The following AGBL1 variants were observed in gnomAD, a reference collection of about 807,000 sequenced individuals.
AGBL1 encodes the protein AGBL carboxypeptidase 1, also known as cytosolic carboxypeptidase 4.
AGBL1 carries 130 observed loss-of-function variants against 118.9 expected under a neutral mutation model. The ratio of observed to expected loss-of-function variants is 1.09; its 90% confidence interval spans 0.95 to 1.26. The LOEUF (loss-of-function observed/expected upper bound fraction) is 1.26. Among genes scored for constraint, AGBL1 ranks in the 50% most tolerant of loss-of-function variants. The probability of loss-of-function intolerance (pLI) is 0.00; values close to 1 mark genes in which losing one functional copy is unlikely to be tolerated. For missense variants in AGBL1, 1,584 were observed against 1,298.1 expected, an observed-to-expected ratio of 1.22 and a Z score of -3.38; for synonymous variants, 555 against 478.9, an observed-to-expected ratio of 1.16 and a Z score of -2.08.
At chr15:86,657,073 T>C (rs1481938295) in intron 21 of AGBL1, among the ~76,000 whole-genome samples, 2 of 152,202 alleles carry the variant, frequency 1.3e-5, no homozygotes, top group African/African-American at 2.4e-5. Context: ...ATGTTAACTG[T>C]TGCTGCTTCC....
At chr15:86,213,911 A>G (rs1443169040) in intron 5 of AGBL1, among the ~76,000 whole-genome samples, 1 of 152,084 alleles carries the variant, frequency 6.6e-6, no homozygotes, top group African/African-American at 2.4e-5. Context: ...TTAAGCAATA[A>G]CTTCCCACTC....
intron 22 of AGBL1, among the ~76,000 whole-genome samples, chr15:86,895,441 A>G (rs2080111958): frequency 6.7e-6 from 1 of 148,512 alleles, no homozygotes; most frequent in Admixed American, 6.7e-5. Context: ...GTATTTCTTG[A>G]GCTCCGTTTT....
At chr15:86,627,295 C>T (rs565753230) in intron 21 of AGBL1, among the ~76,000 whole-genome samples, 21 of 152,318 alleles carry the variant, frequency 1.4e-4, no homozygotes, top group African/African-American at 4.6e-4. Flanking sequence ...CCACTGTGCC[C>T]TGCCTGATAT....
At chr15:86,309,174 T>C (rs1391073577) in intron 17 of AGBL1, among the ~76,000 whole-genome samples, 1 of 152,228 alleles carries the variant, frequency 6.6e-6, no homozygotes, top group Non-Finnish European at 1.5e-5. Context: ...ATTTTTATGT[T>C]ATTGTAAATG....
At chr15:86,765,824 C>T (rs2078089839) in intron 22 of AGBL1, among the ~76,000 whole-genome samples, 1 of 151,768 alleles carries the variant, frequency 6.6e-6, no homozygotes, top group African/African-American at 2.4e-5. Flanking sequence ...ACAGATAAAA[C>T]ACAACAGGAT....
chr15:86,440,810 G>C (rs560585383), intron 18 of AGBL1, among the ~76,000 whole-genome samples: 50 of 152,162 alleles, frequency 3.3e-4, no homozygotes, highest in Non-Finnish European at 6.8e-4. Flanking sequence ...ATTCTCATAA[G>C]TGACAGTTGA....
chr15:86,791,728 T>TTATATATATA (rs3059670), intron 22 of AGBL1, among the ~76,000 whole-genome samples: 385 of 142,884 alleles, frequency 2.7e-3, no homozygotes, highest in African/African-American at 9.2e-3. Context: ...TCCTTGTTTT[T>TTATATATATA]TATATATATA....
At chr15:86,861,553 C>T (rs1265694659) in intron 22 of AGBL1, among the ~76,000 whole-genome samples, 1 of 152,138 alleles carries the variant, frequency 6.6e-6, no homozygotes, top group African/African-American at 2.4e-5. Context: ...ATGAGTGTGA[C>T]CTTGGTAACT....
At chr15:86,132,865 T>C (rs1252113866) in intron 1 of AGBL1, among the ~76,000 whole-genome samples, 1 of 152,220 alleles carries the variant, frequency 6.6e-6, no homozygotes, top group Admixed American at 6.5e-5. Context: ...TTGGGAACAT[T>C]GTGATCCTGG....
At chr15:86,565,559 G>C (rs899306355) in intron 21 of AGBL1, among the ~76,000 whole-genome samples, 1 of 152,246 alleles carries the variant, frequency 6.6e-6, no homozygotes. Flanking sequence ...GTGCCTCCCA[G>C]TTAGGCTACT....
chr15:86,349,413 C>T (rs1337352683), intron 17 of AGBL1, among the ~76,000 whole-genome samples: 2 of 152,092 alleles, frequency 1.3e-5, no homozygotes, highest in Non-Finnish European at 2.9e-5. Flanking sequence ...CTATAGGTCT[C>T]CTCAATATTT....
chr15:86,995,591 A>C (rs1470743982), intron 24 of AGBL1, among the ~76,000 whole-genome samples: 1 of 152,226 alleles, frequency 6.6e-6, no homozygotes, highest in Non-Finnish European at 1.5e-5. Flanking sequence ...AGGAAGGCAC[A>C]GAGGAGAAAA....
At chr15:86,711,293 G>A (rs1343267114) in intron 22 of AGBL1, among the ~76,000 whole-genome samples, 1 of 152,088 alleles carries the variant, frequency 6.6e-6, no homozygotes, top group African/African-American at 2.4e-5. Context: ...AAAATCCTGA[G>A]GTAAAAGTTC....
At chr15:86,509,092 G>A (rs1457952238) in intron 18 of AGBL1, among the ~76,000 whole-genome samples, 1 of 152,142 alleles carries the variant, frequency 6.6e-6, no homozygotes. Flanking sequence ...AGTTTATACA[G>A]CAAGTGAGAG....
At chr15:86,872,227 A>G (rs2079739828) in intron 22 of AGBL1, among the ~76,000 whole-genome samples, 1 of 152,190 alleles carries the variant, frequency 6.6e-6, no homozygotes, top group East Asian at 1.9e-4. Context: ...GTGAATTCTC[A>G]TCAGGTCCCC....
At chr15:86,264,981 C>T in intron 11 of AGBL1, 143 bp downstream of exon 11, 6 of 803,710 alleles carry the variant, frequency 7.5e-6, no homozygotes, top group Non-Finnish European at 7.3e-6. Context: ...GCAAACTGGC[C>T]AAACACACAA....
At chr15:86,988,731 C>T (rs900142946) in intron 24 of AGBL1, among the ~76,000 whole-genome samples, 2 of 152,108 alleles carry the variant, frequency 1.3e-5, no homozygotes, top group Admixed American at 6.5e-5. Context: ...TGTAAGAACT[C>T]ACTTTATTTC....
chr15:86,855,835 C>G (rs560045232), intron 22 of AGBL1, among the ~76,000 whole-genome samples: 2 of 152,212 alleles, frequency 1.3e-5, no homozygotes, highest in Non-Finnish European at 2.9e-5. Context: ...CAAGGATTCT[C>G]TCCTCATCTG....
At chr15:86,874,428 T>C (rs1567218805) in intron 22 of AGBL1, among the ~76,000 whole-genome samples, 1 of 148,632 alleles carries the variant, frequency 6.7e-6, no homozygotes, top group African/African-American at 2.4e-5. Context: ...CAGTAACCTA[T>C]GCATAATAAA....
Sources: gnomAD v4.1 joint callset for allele counts (sites outside exome capture counted in the v4.1 genomes callset) on GRCh38, gnomAD v4.1.1 for gene constraint, MANE v1.5 for transcripts, NCBI Gene and HGNC (gene_info 2026-07-23, HGNC 2026-07-21) for gene names.